Variants in TBC1D22A observed in about 807,000 individuals in gnomAD.
The protein encoded by TBC1D22A is TBC1 domain family member 22A, also known as putative GTPase activator.
Under a neutral mutation model 60.2 loss-of-function variants are expected in TBC1D22A, and 38 were observed. The ratio of observed to expected loss-of-function variants is 0.63; its 90% CI spans 0.49 to 0.83. The LOEUF (loss-of-function observed/expected upper bound fraction) is 0.83. Ranked by LOEUF, TBC1D22A falls within the 40% of genes least tolerant of loss-of-function variation. The probability of loss-of-function intolerance (pLI) is 0.00; values close to 1 mark genes in which losing one functional copy is unlikely to be tolerated. For missense variants in TBC1D22A, 628 were observed against 701.0 expected (o/e 0.90, Z 1.18); for synonymous variants, 302 against 281.7 (o/e 1.07, Z -0.72).
rs530096514 is a variant in TBC1D22A, at chr22:47,028,013, G to A, written c.1202-9058G>A. Among the ~76,000 whole-genome samples the A allele has an allele frequency of 1.0e-3, 153 of 152,314 alleles. No individual in the cohort carries two copies. The highest frequency in any genetic ancestry group is 1.8e-3 in the Non-Finnish European group (123 of 68,026). On this transcript the variant is annotated intron_variant, in intron 10 of 12. Coordinates refer to ENST00000337137, the MANE Select transcript of TBC1D22A (RefSeq NM_014346.5). This position sits in a 1 kb window ranked among gnomAD's most constrained non-coding sequence, Gnocchi z 4.4. ...TCCGTCATCTGCATTTTTAAAGGAA[G>A]TAAATCAGATTTGTTGTTGCCTTCT...
intron 10 of TBC1D22A, among the ~76,000 whole-genome samples, chr22:47,020,123 C>T (rs899682792): frequency 1.3e-5 from 2 of 152,188 alleles, no homozygotes; most frequent in South Asian, 2.1e-4. Flanking sequence ...CTCTTTGGGC[C>T]TAGGGATGGA....
chr22:46,997,760 C>A, intron 10 of TBC1D22A, 51 bp downstream of exon 10: 1 of 1,572,756 alleles, frequency 6.4e-7, no homozygotes, highest in South Asian at 1.1e-5. Flanking sequence ...GGAGGTGGCC[C>A]TCAGCCCTCG....
At chr22:47,136,729 C>A (rs1023761397) in intron 12 of TBC1D22A, among the ~76,000 whole-genome samples, 1 of 152,216 alleles carries the variant, frequency 6.6e-6, no homozygotes, top group Non-Finnish European at 1.5e-5. Flanking sequence ...CCCCGTGGGA[C>A]CAGGACTGCT....
intron 11 of TBC1D22A, among the ~76,000 whole-genome samples, chr22:47,089,701 G>A (rs951263591): frequency 1.3e-5 from 2 of 152,166 alleles, no homozygotes; most frequent in African/African-American, 4.8e-5. Flanking sequence ...TGCAGAACCT[G>A]TATAATTTTC....
At chr22:47,091,490 C>T (rs1172022802) in intron 11 of TBC1D22A, among the ~76,000 whole-genome samples, 151 of 115,422 alleles carry the variant, frequency 1.3e-3, no homozygotes, top group Non-Finnish European at 2.3e-3. Context: ...GGAGTGGCCT[C>T]GTGGAGGGGG....
chr22:47,142,238 C>A, intron 12 of TBC1D22A, among the ~76,000 whole-genome samples: 1 of 145,970 alleles, frequency 6.9e-6, no homozygotes, highest in East Asian at 2.0e-4. Context: ...ACCCACCAAC[C>A]CATCCATCCA....
At chr22:46,998,214 G>GAAA (rs2148236705) in intron 10 of TBC1D22A, among the ~76,000 whole-genome samples, 1 of 152,100 alleles carries the variant, frequency 6.6e-6, no homozygotes, top group South Asian at 2.1e-4. Context: ...AATACTTTTT[G>GAAA]CCTTCATCTT....
chr22:46,983,988 G>T (rs1602803823), intron 9 of TBC1D22A, among the ~76,000 whole-genome samples: 1 of 152,048 alleles, frequency 6.6e-6, no homozygotes, highest in Non-Finnish European at 1.5e-5. Context: ...TTGAGTGTGT[G>T]CTTTCTGGGC....
intron 8 of TBC1D22A, among the ~76,000 whole-genome samples, chr22:46,943,845 G>T (rs9616170): frequency 6.6e-6 from 1 of 152,052 alleles, no homozygotes; most frequent in East Asian, 1.9e-4. Flanking sequence ...TTCATTGACC[G>T]TAATGTTTTT....
Position 47,028,173 on chromosome 22 carries a change from C to A in TBC1D22A, c.1202-8898C>A, listed in dbSNP as rs966674870. ...AGAAGTTGTATTTTAGATTATGTTA[C>A]TGTCAAAAAAATAGACCTCAATACC... On this transcript the variant is annotated intron_variant, in intron 10 of 12. Coordinates refer to ENST00000337137, the MANE Select transcript of TBC1D22A (RefSeq NM_014346.5). This position sits in a 1 kb window ranked among gnomAD's most constrained non-coding sequence, Gnocchi z 4.4. Among the ~76,000 whole-genome samples, 3 of 152,214 alleles carry A rather than the reference C, an allele frequency of 2.0e-5. No individual in the cohort carries two copies. Among genetic ancestry groups the A allele is most frequent in the African/African-American group, 7.2e-5 (3 of 41,460 alleles).
rs570050791 is a variant in TBC1D22A at position 47,158,034 on chromosome 22, C to T, written c.1426-15464C>T. Among the ~76,000 whole-genome samples the T allele has an allele frequency of 1.1e-4, 17 of 152,320 alleles. No homozygotes were observed. The East Asian group carries it at 1.4e-3, about 12-fold the overall frequency. Reference sequence around the variant, plus strand: ...GGCAGGCGTGCCTGGGCTTCCCCTACGGCCATCCTTGCACCCCCACCCCTG... The same window carrying T: ...GGCAGGCGTGCCTGGGCTTCCCCTATGGCCATCCTTGCACCCCCACCCCTG... On this transcript the variant is annotated intron_variant, in intron 12 of 12. Coordinates refer to ENST00000337137, the MANE Select transcript of TBC1D22A (RefSeq NM_014346.5).
intron 11 of TBC1D22A, among the ~76,000 whole-genome samples, chr22:47,042,051 G>A (rs949207563): frequency 2.0e-5 from 3 of 152,236 alleles, no homozygotes; most frequent in Non-Finnish European, 2.9e-5. Flanking sequence ...TCTGGGCTTT[G>A]TTGCCAGGCA....
At chr22:46,997,147 GT>G (rs1448632524) in intron 9 of TBC1D22A, among the ~76,000 whole-genome samples, 1 of 152,198 alleles carries the variant, frequency 6.6e-6, no homozygotes, top group Admixed American at 6.5e-5. Context: ...CATGTCCACT[GT>G]TTTCACCCAT....
At chr22:46,800,393 TGTA>T (rs2084845355) in intron 4 of TBC1D22A, among the ~76,000 whole-genome samples, 1 of 151,862 alleles carries the variant, frequency 6.6e-6, no homozygotes, top group Non-Finnish European at 1.5e-5. Context: ...AGTCTAGTCT[TGTA>T]GTTGACGTAC....
At chr22:47,001,335 T>G (rs1455247244) in intron 10 of TBC1D22A, among the ~76,000 whole-genome samples, 1 of 149,606 alleles carries the variant, frequency 6.7e-6, no homozygotes, top group Non-Finnish European at 1.5e-5. Context: ...TCCAAACACC[T>G]TTTTCAAATA....
At chr22:47,158,107 C>T (rs1222017673) in intron 12 of TBC1D22A, among the ~76,000 whole-genome samples, 4 of 152,310 alleles carry the variant, frequency 2.6e-5, no homozygotes, top group African/African-American at 7.2e-5. Context: ...TCCAGGACGC[C>T]GCAGCTCCAG....
intron 12 of TBC1D22A, among the ~76,000 whole-genome samples, chr22:47,154,550 C>T (rs1341201049): frequency 2.6e-5 from 4 of 152,322 alleles, no homozygotes; most frequent in Non-Finnish European, 5.9e-5. Flanking sequence ...AACCCGACAG[C>T]GTGCCAGGCT....
At chr22:46,952,186 C>G (rs1030798237) in intron 8 of TBC1D22A, among the ~76,000 whole-genome samples, 1 of 109,914 alleles carries the variant, frequency 9.1e-6, no homozygotes, top group Non-Finnish European at 2.1e-5. Context: ...ACAGCATGTC[C>G]ACATCTTTGA....
At chr22:46,778,424 C>T (rs548948573) in intron 1 of TBC1D22A, among the ~76,000 whole-genome samples, 2 of 152,108 alleles carry the variant, frequency 1.3e-5, no homozygotes, top group Admixed American at 6.5e-5. Flanking sequence ...TATCCTGACT[C>T]GGTAAGCTTT....
Sources: allele counts gnomAD v4.1 joint callset (sites outside exome capture counted in the v4.1 genomes callset), GRCh38; gene constraint gnomAD v4.1.1; non-coding constraint Gnocchi (gnomAD v3.1); transcripts MANE v1.5; gene names NCBI Gene and HGNC (gene_info 2026-07-23, HGNC 2026-07-21).